The following TUT7 variants were observed in gnomAD, a reference collection of about 807,000 sequenced individuals.
The protein encoded by TUT7 is terminal uridylyltransferase 7.
TUT7 carries 33 observed loss-of-function variants against 165.9 expected under a neutral mutation model. The observed-to-expected ratio is 0.20, with a 90% confidence interval of 0.15 to 0.27. The LOEUF (loss-of-function observed/expected upper bound fraction) is 0.27. Among genes scored for constraint, TUT7 ranks in the 10% least tolerant of loss-of-function variants. The pLI, the probability that TUT7 is intolerant of heterozygous loss-of-function variation, is 1.00. For missense variants in TUT7, 1,338 were observed against 1,762.3 expected, an observed-to-expected ratio of 0.76 and a Z score of 4.31; for synonymous variants, 552 against 608.1, an observed-to-expected ratio of 0.91 and a Z score of 1.36.
chr9:86,331,891 CTT>C (rs1830349366), intron 10 of TUT7, among the ~76,000 whole-genome samples: 1 of 152,000 alleles, frequency 6.6e-6, no homozygotes, highest in African/African-American at 2.4e-5. Flanking sequence ...CTATAAAGAA[CTT>C]AACAAATTTA....
chr9:86,316,255 T>C (rs1175774739), intron 17 of TUT7, among the ~76,000 whole-genome samples: 1 of 152,220 alleles, frequency 6.6e-6, no homozygotes, highest in African/African-American at 2.4e-5. Context: ...ATACATTTTA[T>C]AGCTGTAAAT....
At chr9:86,316,512 C>T (rs1828732308) in intron 17 of TUT7, among the ~76,000 whole-genome samples, 1 of 152,196 alleles carries the variant, frequency 6.6e-6, no homozygotes, top group Non-Finnish European at 1.5e-5. Flanking sequence ...GCAAATTCAA[C>T]CCACAAGCCC....
rs1206458239 is a variant in TUT7, at chr9:86,311,836, G to C, written c.3275-1027C>G. ...GGGGTTTCGCTGTGTTGGCCGGGCT[G>C]GTCTCCAGCTCCTAACCACGAGTGA... On this transcript the variant is annotated intron_variant, in intron 17 of 26. Transcript: ENST00000375963. This position sits in a 1 kb window ranked among gnomAD's most constrained non-coding sequence, Gnocchi z 4.4. Among the ~76,000 whole-genome samples, 1 of 152,232 alleles carries C rather than the reference G, an allele frequency of 6.6e-6. No individual in the cohort carries two copies. The highest frequency in any genetic ancestry group is 6.5e-5 in the Admixed American group (1 of 15,288).
intron 17 of TUT7, among the ~76,000 whole-genome samples, chr9:86,315,351 G>GAA (rs1828605341): frequency 3.9e-5 from 6 of 152,190 alleles, no homozygotes; most frequent in Admixed American, 6.5e-5. Flanking sequence ...TTCCTTCTTA[G>GAA]GAAATATATA....
chr9:86,346,825 T>C (rs915242184), intron 2 of TUT7, among the ~76,000 whole-genome samples: 6 of 152,146 alleles, frequency 3.9e-5, no homozygotes, highest in Admixed American at 3.9e-4. Flanking sequence ...AATTCTATTA[T>C]ATTAAAATAT....
intron 26 of TUT7, among the ~76,000 whole-genome samples, chr9:86,292,418 G>C (rs1825967399): frequency 6.6e-6 from 1 of 150,762 alleles, no homozygotes; most frequent in Non-Finnish European, 1.5e-5. Context: ...GCAGTGAGCA[G>C]AGATCACACC....
At chr9:86,292,557 TG>T (rs1825976791) in intron 26 of TUT7, among the ~76,000 whole-genome samples, 1 of 151,126 alleles carries the variant, frequency 6.6e-6, no homozygotes, top group Non-Finnish European at 1.5e-5. Context: ...GAAACGATGT[TG>T]GTGATGGTAC....
At chr9:86,297,186 T>C (rs1564023529) in intron 26 of TUT7, among the ~76,000 whole-genome samples, 1 of 152,212 alleles carries the variant, frequency 6.6e-6, no homozygotes, top group African/African-American at 2.4e-5. Flanking sequence ...TGAACAATGC[T>C]GGCACTGGAA....
intron 26 of TUT7, among the ~76,000 whole-genome samples, chr9:86,293,600 C>T (rs1040796085): frequency 1.3e-5 from 2 of 152,164 alleles, no homozygotes; most frequent in Non-Finnish European, 2.9e-5. Context: ...ACTGACTCTC[C>T]GGGATTGTCA....
intron 2 of TUT7, among the ~76,000 whole-genome samples, chr9:86,349,015 A>C (rs1276487768): frequency 1.3e-5 from 2 of 152,134 alleles, no homozygotes; most frequent in Non-Finnish European, 2.9e-5. Flanking sequence ...GTGGCAGCTC[A>C]TGCCTGTAAT....
chr9:86,321,083 TG>T (rs932741277), intron 14 of TUT7, among the ~76,000 whole-genome samples: 17 of 151,950 alleles, frequency 1.1e-4, no homozygotes, highest in Admixed American at 6.6e-5. Flanking sequence ...CCGGGAGCGG[TG>T]GCTCACGCCT....
chr9:86,295,983 A>G (rs1826283156), intron 26 of TUT7, among the ~76,000 whole-genome samples: 1 of 152,206 alleles, frequency 6.6e-6, no homozygotes, highest in Non-Finnish European at 1.5e-5. Context: ...AGAGTCATTA[A>G]CTTAAGCATA....
chr9:86,340,151 TG>T, intron 7 of TUT7, 46 bp from the exon 8 acceptor site: 5 of 1,527,882 alleles, frequency 3.3e-6, no homozygotes, highest in Non-Finnish European at 4.5e-6. Flanking sequence ...ATTAAAGCTT[TG>T]TTTAAAAGCA....
In TUT7 at chr9:86,352,865, T is replaced by C. The variant is rs140978834; in HGVS notation, c.335A>G (p.Asn112Ser). 2.5e-5 allele frequency: 41 copies of C among 1,614,234 alleles called. No homozygotes were observed. The African/African-American group carries it at 3.7e-4, about 15-fold the overall frequency. Residue 112 changes from asparagine (N) to serine (S), a missense_variant, in exon 2 of 27, where the codon AAC (asparagine) becomes AGC (serine). Around this residue, in one of 7 missense-constraint regions of TUT7, gnomAD observed 434 missense variants for 480.8 expected, o/e 0.90. Transcript: ENST00000375963. ...AGGTCCAGGTTTGAATTCTCTCCAG[T>C]TGTCTGAATTACCAGTATGTTCATC... is the stretch of plus-strand genomic sequence containing the variant. ...LSDEHTGNSD[N>S]WREFKPGPRI...
intron 17 of TUT7, among the ~76,000 whole-genome samples, chr9:86,312,489 G>A (rs1185970455): frequency 1.3e-5 from 2 of 150,654 alleles, no homozygotes; most frequent in Non-Finnish European, 3.0e-5. Context: ...GGAGGGAGGT[G>A]GGGGGGTCAG....
intron 4 of TUT7, 84 bp from the exon 5 acceptor site, chr9:86,345,238 G>A (rs1175566135): frequency 1.5e-6 from 2 of 1,356,888 alleles, no homozygotes; most frequent in African/African-American, 3.0e-5. Flanking sequence ...ACCCTATAGA[G>A]TTTTCTTTTT....
rs772198065 is a variant in TUT7 at position 86,303,157 on chromosome 9, G to A, written c.4023C>T (p.Ala1341=). Residue 1341 remains alanine, a synonymous_variant, in exon 25 of 27, where the codon GCC becomes GCT. Transcript: ENST00000375963. ...AAATTCGACAACATCTATCATTTGGGGCCAGCTCTCCTTCAGTTAACACAT... is the reference window on the plus strand; with the variant it reads ...AAATTCGACAACATCTATCATTTGGAGCCAGCTCTCCTTCAGTTAACACAT... ...DPDVLTEGEL[A]PNDRCCRICG... 11 of 1,609,774 alleles carry A rather than the reference G, an allele frequency of 6.8e-6. No individual in the cohort carries two copies. The South Asian group carries it at 8.8e-5, about 13-fold the overall frequency.
At chr9:86,319,771 T>A in intron 14 of TUT7, 101 bp from the exon 15 acceptor site, 2 of 782,794 alleles carry the variant, frequency 2.6e-6, no homozygotes, top group Non-Finnish European at 2.0e-6. Context: ...CTTACAAGCT[T>A]AAATTTAAAA....
At chr9:86,296,153 C>T (rs573447155) in intron 26 of TUT7, among the ~76,000 whole-genome samples, 1 of 152,274 alleles carries the variant, frequency 6.6e-6, no homozygotes, top group African/African-American at 2.4e-5. Flanking sequence ...TGAGATGTGT[C>T]GGATGCTGTG....
Sources: allele counts gnomAD v4.1 joint callset (sites outside exome capture counted in the v4.1 genomes callset), GRCh38; gene constraint gnomAD v4.1.1; regional missense constraint gnomAD v4.1.1; non-coding constraint Gnocchi (gnomAD v3.1); transcripts MANE v1.5; gene names NCBI Gene and HGNC (gene_info 2026-07-23, HGNC 2026-07-21).